The following SEMA6D variants were observed in gnomAD, a reference collection of about 807,000 sequenced individuals.
SEMA6D encodes semaphorin-6D.
SEMA6D carries 35 observed loss-of-function variants against 106.6 expected under a neutral mutation model. The ratio of observed to expected loss-of-function variants is 0.33; its 90% confidence interval spans 0.25 to 0.44. The LOEUF (loss-of-function observed/expected upper bound fraction) is 0.44, where lower values mean the gene tolerates loss of function less well. Among genes scored for constraint, SEMA6D ranks in the 20% least tolerant of loss-of-function variants. SEMA6D has a pLI of 1.00. For missense variants in SEMA6D, 1,185 were observed against 1,345.9 expected (o/e 0.88, Z 1.87); for synonymous variants, 499 against 487.7 (o/e 1.02, Z -0.31).
chr15:47,416,655 C>T (rs772099162), intron 2 of SEMA6D, among the ~76,000 whole-genome samples: 3 of 152,152 alleles, frequency 2.0e-5, no homozygotes, highest in South Asian at 4.2e-4. Flanking sequence ...TGTTTCTCCC[C>T]GAAGCCAGTG....
Position 47,494,953 on chromosome 15 carries a change from A to G in SEMA6D, c.-87+24408A>G, listed in dbSNP as rs536861795. On this transcript the variant is annotated intron_variant, in intron 3 of 19. Coordinates refer to the SEMA6D transcript ENST00000558014. ...AGAGAAATGCAGTTTTTTGTGGAGG[A>G]TGCATTTGGCTTTGGGGTTTTGTAG... Among the ~76,000 whole-genome samples the G allele has an allele frequency of 7.3e-5, 11 of 150,912 alleles. No homozygotes were observed. In the South Asian group the frequency reaches 2.1e-3, roughly 29 times the overall value.
intron 4 of SEMA6D, among the ~76,000 whole-genome samples, chr15:47,661,642 A>G (rs1477508927): frequency 6.6e-6 from 1 of 152,174 alleles, no homozygotes; most frequent in Non-Finnish European, 1.5e-5. Context: ...TGAAGGTAAG[A>G]CTGTTTGTGC....
At chr15:47,270,133 T>C (rs2034492670) in intron 1 of SEMA6D, among the ~76,000 whole-genome samples, 1 of 148,318 alleles carries the variant, frequency 6.7e-6, no homozygotes, top group African/African-American at 2.4e-5. Flanking sequence ...TTAAATAATA[T>C]ATATTTGTAT....
intron 1 of SEMA6D, among the ~76,000 whole-genome samples, chr15:47,337,062 C>T (rs1029347975): frequency 2.0e-5 from 3 of 152,094 alleles, no homozygotes; most frequent in African/African-American, 7.2e-5. Context: ...TGATGGAAAT[C>T]TGGCCTATTT....
intron 4 of SEMA6D, among the ~76,000 whole-genome samples, chr15:47,656,795 T>C (rs1352554177): frequency 6.6e-6 from 1 of 152,176 alleles, no homozygotes; most frequent in Non-Finnish European, 1.5e-5. Flanking sequence ...AATACTAAGC[T>C]TGCCTTTTGC....
chr15:47,763,956 C>T lies in SEMA6D; in HGVS notation c.854C>T (p.Ser285Phe). The change falls in exon 10 of 19, where the codon TCT becomes TTT. Residue 285 changes from serine to phenylalanine, a missense_variant. Ser to Phe is a radical substitution (Grantham distance 155). Transcript: ENST00000536845. ...TTTCTAAAGGCTCGGCTGAACTGTT[C>T]TGTCCCTGGAGATTCGTTTTTCTAC... is the stretch of plus-strand genomic sequence containing the variant. ...TSFLKARLNCSVPGDSFFYFD... is the reference protein window; with the variant it reads ...TSFLKARLNCFVPGDSFFYFD... 2 of 1,613,988 alleles carry T rather than the reference C, an allele frequency of 1.2e-6. No homozygotes were observed. The highest frequency in any genetic ancestry group is 1.7e-6 in the Non-Finnish European group (2 of 1,179,890).
chr15:47,681,446 G>A (rs1335808469), intron 4 of SEMA6D, among the ~76,000 whole-genome samples: 1 of 152,196 alleles, frequency 6.6e-6, no homozygotes, highest in Non-Finnish European at 1.5e-5. Context: ...GGACTGGGAG[G>A]AGGAGAAAAT....
In SEMA6D at chr15:47,771,977, G is replaced by C. The variant is rs189180711; in HGVS notation, c.*192G>C. On this transcript the variant is annotated 3_prime_UTR_variant, in exon 19 of 19. Coordinates refer to ENST00000536845, the MANE Select transcript of SEMA6D (RefSeq NM_001358351.3). ...ACTGCAGCAAGGCTTCTGTGTACTT[G>C]CCTGAAAACAAAGGAAGGTGCTGGT... 3.2e-3 allele frequency: 1,887 copies of C among 595,098 alleles called. 28 individuals carry two copies. The highest frequency in any genetic ancestry group is 1.7e-3 in the South Asian group (74 of 42,402). The allele number at this position is 595,098 out of a possible 1,614,324, so 36.9% of individuals were successfully genotyped here. A position where few individuals can be genotyped will look rare whatever the true frequency, so the allele number is the denominator to read the frequency against.
At chr15:47,492,145 TAA>T (rs1596141245) in intron 3 of SEMA6D, among the ~76,000 whole-genome samples, 1 of 152,258 alleles carries the variant, frequency 6.6e-6, no homozygotes, top group Admixed American at 6.5e-5. Context: ...CCATAAAGTA[TAA>T]GAGTTCCCTA....
intron 2 of SEMA6D, among the ~76,000 whole-genome samples, chr15:47,456,992 A>G (rs1235735446): frequency 6.6e-6 from 1 of 151,998 alleles, no homozygotes; most frequent in Non-Finnish European, 1.5e-5. Context: ...GAAAGAACCA[A>G]TAAAGAAGTG....
At chr15:47,221,758 C>G (rs747783307) in intron 1 of SEMA6D, among the ~76,000 whole-genome samples, 129 of 152,196 alleles carry the variant, frequency 8.5e-4, no homozygotes, top group Middle Eastern at 3.4e-3. Context: ...ATCGTTATCA[C>G]TATTTTGAAA....
intron 3 of SEMA6D, among the ~76,000 whole-genome samples, chr15:47,484,502 A>G (rs955829268): frequency 2.0e-5 from 3 of 152,158 alleles, no homozygotes; most frequent in African/African-American, 7.2e-5. Context: ...TTGATTAAAC[A>G]TTTTGTTTCA....
At chr15:47,724,259 T>G (rs1174003699) in intron 1 of SEMA6D, among the ~76,000 whole-genome samples, 3 of 152,264 alleles carry the variant, frequency 2.0e-5, no homozygotes. Flanking sequence ...GGCACTAACA[T>G]TTGTTCATTC....
At position 47,593,111 on chromosome 15, in the gene SEMA6D, A is replaced by C. The variant is rs969704567; in HGVS notation, c.-86-7754A>C. On this transcript the variant is annotated intron_variant, in intron 3 of 19. Transcript: ENST00000558014. ...ATTACTTTTTGTCTCATGATTAGTC[A>C]AAAAAAGATCTGGCTGGGCGCAGTG... Among the ~76,000 whole-genome samples the C allele has an allele frequency of 3.3e-5, 5 of 152,260 alleles. No homozygotes were observed. The South Asian group carries it at 1.0e-3, about 32-fold the overall frequency.
At chr15:47,543,868 A>G (rs1401598335) in intron 3 of SEMA6D, among the ~76,000 whole-genome samples, 1 of 152,114 alleles carries the variant, frequency 6.6e-6, no homozygotes, top group East Asian at 1.9e-4. Context: ...ATTCTAAACA[A>G]GTAAGAGTAA....
chr15:47,771,266 G>C lies in SEMA6D; in HGVS notation c.2703G>C (p.Gln901His), dbSNP rs777332008. The C allele has an allele frequency of 6.2e-7, 1 of 1,614,068 alleles. No homozygotes were observed. The highest frequency in any genetic ancestry group is 1.1e-5 in the South Asian group (1 of 91,080). The change falls in exon 19 of 19, where the codon CAG becomes CAC. Residue 901 changes from glutamine to histidine, a missense_variant. Physicochemically the swap from Gln to His is conservative, Grantham distance 24. Coordinates refer to ENST00000536845, the MANE Select transcript of SEMA6D (RefSeq NM_001358351.3). ...CCAAAGCCATCATGGGAGACATCCA[G>C]ATGGCACACCAGAACTTAATGCTGG... ...SNPKAIMGDI[Q>H]MAHQNLMLDP...
intron 1 of SEMA6D, among the ~76,000 whole-genome samples, chr15:47,297,373 C>T (rs2035845050): frequency 6.6e-6 from 1 of 152,134 alleles, no homozygotes; most frequent in Admixed American, 6.5e-5. Flanking sequence ...TGATTTAGCA[C>T]TCGTCAGTTT....
chr15:47,738,117 C>T (rs936126876), intron 1 of SEMA6D, among the ~76,000 whole-genome samples: 1 of 151,976 alleles, frequency 6.6e-6, no homozygotes, highest in Non-Finnish European at 1.5e-5. Context: ...TGGTTTGCTG[C>T]ACCTCTTGGC....
At chr15:47,707,842 A>C (rs1258599767) in intron 4 of SEMA6D, among the ~76,000 whole-genome samples, 2 of 152,282 alleles carry the variant, frequency 1.3e-5, no homozygotes, top group East Asian at 3.9e-4. Flanking sequence ...CCATTTACCC[A>C]AAACCATACT....
Sources: allele counts gnomAD v4.1 joint callset (sites outside exome capture counted in the v4.1 genomes callset), GRCh38; gene constraint gnomAD v4.1.1; transcripts MANE v1.5; gene names NCBI Gene and HGNC (gene_info 2026-07-23, HGNC 2026-07-21).